PCGF5: variants seen among roughly 807,000 people sequenced by gnomAD.
The protein encoded by PCGF5 is polycomb group RING finger protein 5.
A neutral mutation model predicts 44.3 loss-of-function variants in PCGF5; 9 were observed. That is an observed-to-expected ratio of 0.20 (90% CI 0.12 to 0.35). The LOEUF (loss-of-function observed/expected upper bound fraction) is 0.35. Among genes scored for constraint, PCGF5 ranks in the 10% least tolerant of loss-of-function variants. The pLI is 1.00. For synonymous variants in PCGF5, 95 were observed against 102.5 expected (o/e 0.93, Z 0.44); for missense variants, 146 against 305.3 (o/e 0.48, Z 3.89).
chr10:91,226,795 T>C (rs1249767967), intron 2 of PCGF5, among the ~76,000 whole-genome samples: 3 of 152,130 alleles, frequency 2.0e-5, no homozygotes, highest in Non-Finnish European at 4.4e-5. Context: ...AATCACATCA[T>C]CATATCACAT....
intron 1 of PCGF5, among the ~76,000 whole-genome samples, chr10:91,181,669 C>T (rs933625781): frequency 1.3e-5 from 2 of 152,104 alleles, no homozygotes; most frequent in African/African-American, 4.8e-5. Flanking sequence ...ATAAATTACA[C>T]TTACTGATTT....
intron 8 of PCGF5, among the ~76,000 whole-genome samples, chr10:91,271,179 T>C (rs1051310438): frequency 6.6e-6 from 1 of 151,338 alleles, no homozygotes; most frequent in South Asian, 2.1e-4. Context: ...AAACAGAAAA[T>C]AGATGCCTTA....
At chr10:91,178,787 T>A (rs184738228) in intron 1 of PCGF5, among the ~76,000 whole-genome samples, 67 of 152,160 alleles carry the variant, frequency 4.4e-4, no homozygotes, top group African/African-American at 1.6e-3. Context: ...AATGTAATGA[T>A]GATGAGTAGT....
chr10:91,233,987 G>A (rs1326551100), intron 2 of PCGF5, among the ~76,000 whole-genome samples: 1 of 152,190 alleles, frequency 6.6e-6, no homozygotes, highest in African/African-American at 2.4e-5. Flanking sequence ...TTTATCATCA[G>A]TGATAGCAGA....
At chr10:91,192,703 A>T (rs1844055138) in intron 1 of PCGF5, among the ~76,000 whole-genome samples, 1 of 152,186 alleles carries the variant, frequency 6.6e-6, no homozygotes, top group Admixed American at 6.5e-5. Flanking sequence ...AACATTTATT[A>T]TATGGTTTGT....
chr10:91,224,917 T>A (rs1323360254), intron 2 of PCGF5, among the ~76,000 whole-genome samples: 2 of 152,212 alleles, frequency 1.3e-5, no homozygotes, highest in African/African-American at 2.4e-5. Context: ...GCATGGAACC[T>A]GGACCCAGTC....
At chr10:91,262,514 T>C (rs1355448722) in intron 7 of PCGF5, among the ~76,000 whole-genome samples, 1 of 152,224 alleles carries the variant, frequency 6.6e-6, no homozygotes, top group East Asian at 1.9e-4. Flanking sequence ...ATAGTTTTTC[T>C]GGCTTATCTG....
chr10:91,278,665 C>T lies in PCGF5; in HGVS notation c.*349C>T, dbSNP rs918460553. The T allele has an allele frequency of 4.4e-6, 1 of 225,522 alleles. No individual in the cohort carries two copies. Among genetic ancestry groups the T allele is most frequent in the African/African-American group, 2.3e-5 (1 of 43,992 alleles). The allele number at this position is 225,522 out of a possible 1,614,324, so 14.0% of individuals were successfully genotyped here. On this transcript the variant is annotated 3_prime_UTR_variant, in exon 10 of 10. Coordinates refer to ENST00000336126, the MANE Select transcript of PCGF5 (RefSeq NM_032373.5). Reference sequence around the variant, plus strand: ...GTTTAATTACACTAGTAAAATGGCTCAATTTTTGTGGTGTTGCAGTTTTCA... The same window carrying T: ...GTTTAATTACACTAGTAAAATGGCTTAATTTTTGTGGTGTTGCAGTTTTCA...
At chr10:91,217,480 A>C (rs1271298779), upstream of PCGF5, among the ~76,000 whole-genome samples, 1 of 152,322 alleles carries the variant, frequency 6.6e-6, no homozygotes, top group East Asian at 1.9e-4. Flanking sequence ...CTACCTACCC[A>C]CCCATTGCCC....
chr10:91,220,038 G>C (rs1434175407), upstream of PCGF5: 1 of 152,116 alleles, frequency 6.6e-6, no homozygotes, highest in East Asian at 1.9e-4. Flanking sequence ...TGCAGTGAAT[G>C]GTCTCTTGTA....
At chr10:91,160,366 C>T (rs1295395736), upstream of PCGF5, among the ~76,000 whole-genome samples, 1 of 152,202 alleles carries the variant, frequency 6.6e-6, no homozygotes, top group Non-Finnish European at 1.5e-5. Flanking sequence ...AGAGAACCGT[C>T]AGCAGTGTTG....
intron 1 of PCGF5, among the ~76,000 whole-genome samples, chr10:91,204,747 C>G (rs1844311182): frequency 6.6e-6 from 1 of 152,224 alleles, no homozygotes; most frequent in Non-Finnish European, 1.5e-5. Context: ...CTCTCTTCTT[C>G]AGATTTCTTC....
chr10:91,238,625 T>TCTTTCTTTC (rs1564645087), intron 2 of PCGF5, among the ~76,000 whole-genome samples: 1 of 123,308 alleles, frequency 8.1e-6, no homozygotes, highest in African/African-American at 3.4e-5. Flanking sequence ...TTTTTTTTTT[T>TCTTTCTTTC]TTTTTTGCCT....
chr10:91,253,791 G>A (rs1845679361), intron 6 of PCGF5, among the ~76,000 whole-genome samples: 2 of 152,104 alleles, frequency 1.3e-5, no homozygotes, highest in African/African-American at 4.8e-5. Flanking sequence ...AAGGCCCAGA[G>A]TGAGGGCCAT....
chr10:91,203,554 G>A (rs1844291061), intron 1 of PCGF5, among the ~76,000 whole-genome samples: 1 of 152,136 alleles, frequency 6.6e-6, no homozygotes, highest in African/African-American at 2.4e-5. Flanking sequence ...ATACACTTCA[G>A]TCTTTCCTGT....
intron 6 of PCGF5, among the ~76,000 whole-genome samples, chr10:91,260,294 A>G (rs1845865720): frequency 6.6e-6 from 1 of 152,214 alleles, no homozygotes. Context: ...GGCCATCATT[A>G]AAAAGTCAGG....
At chr10:91,240,338 C>G in intron 2 of PCGF5, 146 bp from the exon 3 acceptor site, 1 of 520,454 alleles carries the variant, frequency 1.9e-6, no homozygotes, top group East Asian at 3.4e-5. Context: ...TACAGTGTTA[C>G]AATTGTAAGG....
At chr10:91,229,090 A>G (rs868476731) in intron 2 of PCGF5, among the ~76,000 whole-genome samples, 7 of 152,344 alleles carry the variant, frequency 4.6e-5, no homozygotes, top group Middle Eastern at 6.8e-3. Context: ...TGTTTGTTAT[A>G]TGAGGCATCA....
intron 1 of PCGF5, among the ~76,000 whole-genome samples, chr10:91,170,392 A>G (rs1424859791): frequency 6.6e-6 from 1 of 152,242 alleles, no homozygotes; most frequent in Non-Finnish European, 1.5e-5. Context: ...TCTGTTATCT[A>G]AAATATACAA....
Sources: gnomAD v4.1 joint callset for allele counts (sites outside exome capture counted in the v4.1 genomes callset) on GRCh38, gnomAD v4.1.1 for gene constraint, MANE v1.5 for transcripts, NCBI Gene and HGNC (gene_info 2026-07-23, HGNC 2026-07-21) for gene names.